Variants in ELP1 observed in about 807,000 individuals in gnomAD.
ELP1 encodes elongator acetyltransferase complex subunit 1.
Under a neutral mutation model 183.2 loss-of-function variants are expected in ELP1, and 131 were observed. The observed-to-expected ratio is 0.72, with a 90% confidence interval of 0.62 to 0.83. The LOEUF (loss-of-function observed/expected upper bound fraction) is 0.83. Ranked by LOEUF, ELP1 falls within the 40% of genes least tolerant of loss-of-function variation. The probability of loss-of-function intolerance (pLI) is 0.00; values close to 1 mark genes in which losing one functional copy is unlikely to be tolerated. For missense variants in ELP1, 1,550 were observed against 1,594.9 expected (o/e 0.97, Z 0.48); for synonymous variants, 555 against 569.0 (o/e 0.98, Z 0.35).
Position 108,916,176 on chromosome 9 carries a change from G to A in ELP1, c.958+28C>T, listed in dbSNP as rs1209802774. ...ACTTTCAACTACGTTTTATGGGGCA[G>A]AAGGCTGGGGTACTACAGCTGTCTT... On this transcript the variant is annotated intron_variant, in intron 10 of 36. Transcript: ENST00000374647. 4 of 1,544,210 alleles carry A rather than the reference G, an allele frequency of 2.6e-6. No homozygotes were observed. In the African/African-American group the frequency reaches 5.4e-5, roughly 21 times the overall value.
At position 108,901,415 on chromosome 9, in the gene ELP1, G is replaced by A. The variant is rs1271477038; in HGVS notation, c.2014+10C>T. The A allele has an allele frequency of 6.4e-7, 1 of 1,573,742 alleles. No homozygotes were observed. ...AGGGACCATTTCTGTTTTATACATT[G>A]AAAACTTACTTTTAAATGAAGCATC... On this transcript the variant is annotated intron_variant, in intron 18 of 36. Transcript: ENST00000374647.
chr9:108,914,637 T>C (rs1258599904), intron 10 of ELP1, among the ~76,000 whole-genome samples: 1 of 152,128 alleles, frequency 6.6e-6, no homozygotes, highest in East Asian at 1.9e-4. Context: ...TTTTTTTGTT[T>C]TGTTTTGAGA....
At chr9:108,909,248 GATC>G (rs1277875243) in intron 12 of ELP1, among the ~76,000 whole-genome samples, 2 of 152,120 alleles carry the variant, frequency 1.3e-5, no homozygotes, top group Non-Finnish European at 2.9e-5. Flanking sequence ...CCATCTGATA[GATC>G]ATATTTAATT....
In ELP1 at chr9:108,891,888, G is replaced by T. The variant is rs3780510; in HGVS notation, c.2959-484C>A. Among the ~76,000 whole-genome samples the T allele has an allele frequency of 2.0e-5, 3 of 151,982 alleles. No homozygotes were observed. The South Asian group carries it at 6.2e-4, about 32-fold the overall frequency. On this transcript the variant is annotated intron_variant, in intron 27 of 36. Coordinates refer to ENST00000374647, the MANE Select transcript of ELP1 (RefSeq NM_003640.5). Reference sequence around the variant, plus strand: ...GATAGGGGGCACCAGGCAGAGGGCAGAGAAGGCACCATGGCCATGCAGCAG... The same window carrying T: ...GATAGGGGGCACCAGGCAGAGGGCATAGAAGGCACCATGGCCATGCAGCAG...
At chr9:108,919,423 T>C in intron 6 of ELP1, 74 bp from the exon 7 acceptor site, 1 of 949,806 alleles carries the variant, frequency 1.1e-6, no homozygotes, top group Non-Finnish European at 1.7e-6. Context: ...CTCAGACCAC[T>C]AGATACAGAT....
At chr9:108,893,152 A>G in intron 26 of ELP1, 69 bp from the exon 27 acceptor site, 2 of 1,021,944 alleles carry the variant, frequency 2.0e-6, no homozygotes, top group Non-Finnish European at 3.1e-6. Context: ...CATTTATACC[A>G]ATGGTCACCA....
chr9:108,926,418 C>T (rs1222161952), intron 5 of ELP1, 105 bp downstream of exon 5: 2 of 892,958 alleles, frequency 2.2e-6, no homozygotes, highest in Non-Finnish European at 3.6e-6. Context: ...GGGGGTTTAA[C>T]TTTCACAGTT....
At chr9:108,880,014 T>G in intron 32 of ELP1, 38 bp downstream of exon 32, 1 of 1,287,402 alleles carries the variant, frequency 7.8e-7, no homozygotes, top group East Asian at 2.3e-5. Context: ...CCAACCCCAC[T>G]GCCCCCGCAC....
At chr9:108,877,739 A>G (rs1421661050) in intron 35 of ELP1, among the ~76,000 whole-genome samples, 1 of 152,152 alleles carries the variant, frequency 6.6e-6, no homozygotes, top group Non-Finnish European at 1.5e-5. Context: ...CAATCATGTG[A>G]CTTTCCCATT....
intron 31 of ELP1, among the ~76,000 whole-genome samples, chr9:108,880,670 C>T (rs1472403767): frequency 6.6e-5 from 10 of 152,078 alleles, no homozygotes; most frequent in Admixed American, 6.6e-4. Context: ...ATACTACTAT[C>T]CAAGGATGCA....
intron 16 of ELP1, among the ~76,000 whole-genome samples, chr9:108,902,569 A>T (rs972130349): frequency 2.0e-5 from 3 of 152,084 alleles, no homozygotes; most frequent in Admixed American, 6.6e-5. Context: ...AAATAAAATT[A>T]ACTTTGAATG....
rs560764553 is a variant in ELP1, at chr9:108,896,186, G to A, written c.2736+310C>T. On this transcript the variant is annotated intron_variant, in intron 25 of 36. Transcript: ENST00000374647. ...GCAGGAGAATGGCGTGAACACGGGA[G>A]GTGGAACTTGCAGTAAGCCGAGATC... is the stretch of plus-strand genomic sequence containing the variant. Among the ~76,000 whole-genome samples, 132 of 152,224 alleles carry A rather than the reference G, an allele frequency of 8.7e-4. 1 individual carries two copies. The highest frequency in any genetic ancestry group is 7.7e-3 in the South Asian group (37 of 4,824).
At chr9:108,930,273 G>C (rs552778671) in intron 2 of ELP1, among the ~76,000 whole-genome samples, 1 of 152,200 alleles carries the variant, frequency 6.6e-6, no homozygotes, top group African/African-American at 2.4e-5. Context: ...TGTATTAGTA[G>C]AAGAACATAA....
chr9:108,915,694 T>C (rs538860348), intron 10 of ELP1, among the ~76,000 whole-genome samples: 1 of 142,458 alleles, frequency 7.0e-6, no homozygotes. Flanking sequence ...ACCGTCTCTC[T>C]ATGTAAGTAC....
chr9:108,917,252 G>A (rs1261586886), intron 9 of ELP1, among the ~76,000 whole-genome samples: 2 of 152,148 alleles, frequency 1.3e-5, no homozygotes, highest in East Asian at 3.9e-4. Flanking sequence ...TGGATCACCT[G>A]AGGTCAGGGG....
At chr9:108,873,854 G>GC (rs1827584833) in intron 36 of ELP1, among the ~76,000 whole-genome samples, 1 of 149,984 alleles carries the variant, frequency 6.7e-6, no homozygotes, top group Admixed American at 6.6e-5. Flanking sequence ...GACCCCATCT[G>GC]TTTTTTTTTC....
chr9:108,928,475 C>T (rs1829889487), intron 3 of ELP1, among the ~76,000 whole-genome samples: 1 of 151,898 alleles, frequency 6.6e-6, no homozygotes, highest in African/African-American at 2.4e-5. Flanking sequence ...GAAAGAGAGA[C>T]CAGGAAGAAA....
intron 25 of ELP1, among the ~76,000 whole-genome samples, chr9:108,895,531 T>C (rs897986545): frequency 5.3e-5 from 8 of 151,894 alleles, no homozygotes; most frequent in Non-Finnish European, 1.2e-4. Context: ...CTTTCCTCCA[T>C]GGGCAGAGGA....
At chr9:108,914,294 GA>G (rs1829346362) in intron 10 of ELP1, among the ~76,000 whole-genome samples, 2 of 150,918 alleles carry the variant, frequency 1.3e-5, no homozygotes, top group Non-Finnish European at 2.9e-5. Context: ...AGCTACTCGG[GA>G]AGCTGAGGCA....
Sources: gnomAD v4.1 joint callset for allele counts (sites outside exome capture counted in the v4.1 genomes callset) on GRCh38, gnomAD v4.1.1 for gene constraint, MANE v1.5 for transcripts, NCBI Gene and HGNC (gene_info 2026-07-23, HGNC 2026-07-21) for gene names.